The following NCF4 variants were observed in gnomAD, a reference collection of about 807,000 sequenced individuals.
The protein encoded by NCF4 is neutrophil cytosol factor 4.
Under a neutral mutation model 41.7 loss-of-function variants are expected in NCF4, and 30 were observed. That is an observed-to-expected ratio of 0.72 (90% CI 0.54 to 0.97). The LOEUF is 0.97. Among genes scored for constraint, NCF4 ranks in the 50% least tolerant of loss-of-function variants. The probability of loss-of-function intolerance (pLI) is 0.00; values close to 1 mark genes in which losing one functional copy is unlikely to be tolerated. For missense variants in NCF4, 432 were observed against 460.9 expected, an observed-to-expected ratio of 0.94 and a Z score of 0.57; for synonymous variants, 195 against 175.8, an observed-to-expected ratio of 1.11 and a Z score of -0.87.
chr22:36,864,867 T>C, intron 2 of NCF4, 52 bp from the exon 3 acceptor site: 1 of 1,611,294 alleles, frequency 6.2e-7, no homozygotes. Context: ...CACCTCTTTT[T>C]GGCTTGTGCT....
chr22:36,873,284 G>C (rs1360687017), intron 7 of NCF4, among the ~76,000 whole-genome samples: 1 of 150,966 alleles, frequency 6.6e-6, no homozygotes, highest in Non-Finnish European at 1.5e-5. Context: ...GGTGAGTTTG[G>C]AGTTGAGGAT....
At chr22:36,877,055 C>A (rs1484393903) in intron 9 of NCF4, among the ~76,000 whole-genome samples, 1 of 152,154 alleles carries the variant, frequency 6.6e-6, no homozygotes, top group Non-Finnish European at 1.5e-5. Context: ...ACCCACTCTT[C>A]TTCACAACTC....
Position 36,873,799 on chromosome 22 carries a change from G to A in NCF4, c.627+1374G>A, listed in dbSNP as rs539272757. Reference sequence around the variant, plus strand: ...CTGGCCTCTCCACTAGATGCCAGCAGCACTGCTAAATTGCACCAATCACAT... The same window carrying A: ...CTGGCCTCTCCACTAGATGCCAGCAACACTGCTAAATTGCACCAATCACAT... On this transcript the variant is annotated intron_variant, in intron 7 of 9. Coordinates refer to ENST00000248899, the MANE Select transcript of NCF4 (RefSeq NM_000631.5). Among the ~76,000 whole-genome samples, 14 of 152,282 alleles carry A rather than the reference G, an allele frequency of 9.2e-5. No homozygotes were observed. In the South Asian group the frequency reaches 2.9e-3, roughly 32 times the overall value.
chr22:36,864,402 A>C (rs1289337498), intron 2 of NCF4, among the ~76,000 whole-genome samples: 2 of 152,188 alleles, frequency 1.3e-5, no homozygotes, highest in African/African-American at 4.8e-5. Flanking sequence ...TCCCCAGTAA[A>C]GAACTGTCCG....
At chr22:36,874,593 C>T (rs1940150980) in intron 7 of NCF4, among the ~76,000 whole-genome samples, 1 of 152,180 alleles carries the variant, frequency 6.6e-6, no homozygotes, top group Non-Finnish European at 1.5e-5. Context: ...TCCGGAAAGT[C>T]CTACTTATCA....
chr22:36,864,918 G>C lies in NCF4; in HGVS notation c.118-1G>C. On this transcript the variant is annotated splice_acceptor_variant, in intron 2 of 9. Coordinates refer to ENST00000248899, the MANE Select transcript of NCF4 (RefSeq NM_000631.5). LOFTEE classifies it high-confidence loss of function. ...CTCCCCACAACCTCTGTCCTCCTTA[G>C]GTTTTCGTCATCGAGGTGAAGACAA... The C allele has an allele frequency of 6.2e-7, 1 of 1,613,872 alleles. No homozygotes were observed. The highest frequency in any genetic ancestry group is 1.3e-5 in the African/African-American group (1 of 74,946).
At position 36,870,540 on chromosome 22, in the gene NCF4, A is replaced by G. The variant is rs1468320266; in HGVS notation, c.468A>G (p.Lys156=). The change falls in exon 5 of 10, where the codon AAA becomes AAG. Residue 156 remains lysine (K), a splice_region_variant and synonymous_variant. Coordinates refer to ENST00000248899, the MANE Select transcript of NCF4 (RefSeq NM_000631.5). ...ALRRLRPRTR[K]VKSVSPQGNS... ...GCCGGCTCCGCCCGCGCACCCGGAA[A>G]GTGTAAGTGACCAGCCCCTGGGCTT... 1 of 1,611,502 alleles carries G rather than the reference A, an allele frequency of 6.2e-7. No individual in the cohort carries two copies. Among genetic ancestry groups the G allele is most frequent in the Admixed American group, 1.7e-5 (1 of 60,024 alleles).
At chr22:36,872,585 G>C (rs377559437) in intron 7 of NCF4, among the ~76,000 whole-genome samples, 160 bp downstream of exon 7, 107 of 150,962 alleles carry the variant, frequency 7.1e-4, no homozygotes, top group Middle Eastern at 3.6e-3. Context: ...GTGGAGGTGA[G>C]GATGGAGGTG....
At chr22:36,864,481 A>G (rs577722234) in intron 2 of NCF4, among the ~76,000 whole-genome samples, 9 of 152,252 alleles carry the variant, frequency 5.9e-5, no homozygotes, top group Admixed American at 2.6e-4. Flanking sequence ...CCACCTGGAG[A>G]GTCGGGGGTG....
chr22:36,873,822 C>T lies in NCF4; in HGVS notation c.627+1397C>T, dbSNP rs1940135238. On this transcript the variant is annotated intron_variant, in intron 7 of 9. Transcript: ENST00000248899. The stretch of plus-strand genomic sequence containing the variant: ...CAGCACTGCTAAATTGCACCAATCA[C>T]ATGGCTCTCCAGATATTTGCTCCTG... Among the ~76,000 whole-genome samples, 3 of 150,964 alleles carry T rather than the reference C, an allele frequency of 2.0e-5. 1 individual carries two copies. The highest frequency in any genetic ancestry group is 4.2e-4 in the South Asian group (2 of 4,744).
At position 36,877,719 on chromosome 22, in the gene NCF4, A is replaced by G; in HGVS notation, c.916A>G (p.Met306Val). ...RLLSDEDVAL[M>V]VRQARGLPSQ... is the part of the protein sequence containing the mutation. ...GCTGTCGGATGAGGACGTAGCGCTCATGGTGCGGCAGGCTCGTGGCCTCCC... is the reference window on the plus strand; with the variant it reads ...GCTGTCGGATGAGGACGTAGCGCTCGTGGTGCGGCAGGCTCGTGGCCTCCC... The change falls in exon 10 of 10, where the codon ATG (methionine) becomes GTG (valine). Residue 306 changes from methionine to valine, a missense_variant. Coordinates refer to ENST00000248899, the MANE Select transcript of NCF4 (RefSeq NM_000631.5). The G allele has an allele frequency of 6.2e-7, 1 of 1,614,126 alleles. No individual in the cohort carries two copies. The highest frequency in any genetic ancestry group is 1.1e-5 in the South Asian group (1 of 91,080).
intron 6 of NCF4, 141 bp downstream of exon 6, chr22:36,871,850 C>A: frequency 9.7e-7 from 1 of 1,029,782 alleles, no homozygotes; most frequent in Non-Finnish European, 1.5e-6. Flanking sequence ...GAAGGGGTTA[C>A]AGCCTCAGCC....
chr22:36,862,683 T>C (rs1266680239), intron 1 of NCF4, among the ~76,000 whole-genome samples: 1 of 152,192 alleles, frequency 6.6e-6, no homozygotes, highest in Non-Finnish European at 1.5e-5. Flanking sequence ...TCGAAGGTCT[T>C]ATCTGAAAGC....
chr22:36,861,261 G>T, intron 1 of NCF4, 58 bp downstream of exon 1: 1 of 1,530,320 alleles, frequency 6.5e-7, no homozygotes, highest in Non-Finnish European at 8.9e-7. Context: ...TAGGCCTTAG[G>T]GACAAAGGCC....
chr22:36,877,622 A>G lies in NCF4; in HGVS notation c.825-6A>G, dbSNP rs370793378. 13 of 1,613,846 alleles carry G rather than the reference A, an allele frequency of 8.1e-6. No individual in the cohort carries two copies. The African/African-American group carries it at 1.1e-4, about 13-fold the overall frequency. Reference sequence around the variant, plus strand: ...CCTTTGATTATCCCTGACTTTTCCCATGCAGGCGGGAGTTCCAGAGAGAGG... The same window carrying G: ...CCTTTGATTATCCCTGACTTTTCCCGTGCAGGCGGGAGTTCCAGAGAGAGG... On this transcript the variant is annotated splice_region_variant and splice_polypyrimidine_tract_variant and intron_variant, in intron 9 of 9. Transcript: ENST00000248899.
At chr22:36,872,064 T>C in intron 6 of NCF4, 1 of 692,362 alleles carries the variant, frequency 1.4e-6, no homozygotes, top group Non-Finnish European at 2.7e-6. Flanking sequence ...CCAGGGTGGG[T>C]GCTCAGCCCA....
rs752040969 is a variant in NCF4, at chr22:36,877,680, G to C, written c.877G>C (p.Asp293His). Residue 293 changes from aspartate to histidine, a missense_variant, in exon 10 of 10, where the codon GAT (aspartate) becomes CAT (histidine). Physicochemically the swap from Asp to His is moderately conservative, Grantham distance 81. Transcript: ENST00000248899. ...TCTGAATTACCGGGACGCTGAGGGG[G>C]ATCTGGTTCGGCTGCTGTCGGATGA... ...IALNYRDAEG[D>H]LVRLLSDEDV... 1.2e-6 allele frequency: 2 copies of C among 1,614,212 alleles called. No individual in the cohort carries two copies. The highest frequency in any genetic ancestry group is 1.7e-5 in the Admixed American group (1 of 60,026).
At chr22:36,877,231 T>G (rs574024376) in intron 9 of NCF4, among the ~76,000 whole-genome samples, 72 of 152,158 alleles carry the variant, frequency 4.7e-4, no homozygotes, top group African/African-American at 1.7e-3. Context: ...CTGCCTACTG[T>G]GTTCAAGTGA....
At chr22:36,877,478 G>A (rs1229805467) in intron 9 of NCF4, 150 bp from the exon 10 acceptor site, 18 of 799,670 alleles carry the variant, frequency 2.3e-5, no homozygotes, top group Non-Finnish European at 3.6e-5. Context: ...CTGTACAATG[G>A]GAGGTTAGAT....
Sources: gnomAD v4.1 joint callset for allele counts (sites outside exome capture counted in the v4.1 genomes callset) on GRCh38, gnomAD v4.1.1 for gene constraint, MANE v1.5 for transcripts, NCBI Gene and HGNC (gene_info 2026-07-23, HGNC 2026-07-21) for gene names.